SUPT3H: variants seen among roughly 807,000 people sequenced by gnomAD.
SUPT3H encodes the protein SPT3 homolog, SAGA and STAGA complex component, also known as transcription initiation protein SPT3 homolog.
Under a neutral mutation model 44.3 loss-of-function variants are expected in SUPT3H, and 44 were observed. The observed-to-expected ratio is 0.99, with a 90% CI of 0.78 to 1.28. The LOEUF (loss-of-function observed/expected upper bound fraction) is 1.28, where lower values mean the gene tolerates loss of function less well. Among genes scored for constraint, SUPT3H ranks in the 50% most tolerant of loss-of-function variants. The probability of loss-of-function intolerance (pLI) is 0.00; values close to 1 mark genes in which losing one functional copy is unlikely to be tolerated. For missense variants in SUPT3H, 380 were observed against 387.1 expected, an observed-to-expected ratio of 0.98 and a Z score of 0.15; for synonymous variants, 124 against 125.6, an observed-to-expected ratio of 0.99 and a Z score of 0.09.
chr6:44,968,242 T>C (rs1777051459), intron 6 of SUPT3H, among the ~76,000 whole-genome samples: 1 of 152,212 alleles, frequency 6.6e-6, no homozygotes, highest in Non-Finnish European at 1.5e-5. Flanking sequence ...GTTGTTGAAC[T>C]TGAAAACTTC....
At chr6:45,306,260 GCCACAAC>G (rs1179123436) in intron 2 of SUPT3H, among the ~76,000 whole-genome samples, 5 of 152,178 alleles carry the variant, frequency 3.3e-5, no homozygotes, top group Admixed American at 2.0e-4. Context: ...TCCATGCTCA[GCCACAAC>G]TTCCCTGTTA....
At chr6:44,809,454 A>C (rs1455645862) in exon 12 of SUPT3H, 1 of 152,256 alleles carries the variant, frequency 6.6e-6, no homozygotes, top group South Asian at 2.1e-4. Flanking sequence ...TCTATGGTAC[A>C]TATGACAAGG....
At chr6:44,961,608 A>C (rs1468431147) in intron 7 of SUPT3H, 145 bp downstream of exon 7, 3 of 642,764 alleles carry the variant, frequency 4.7e-6, no homozygotes, top group Non-Finnish European at 5.4e-6. Context: ...GGCTCCCCAC[A>C]ATGTAGACGT....
At chr6:44,886,822 C>T (rs1762371445) in intron 10 of SUPT3H, among the ~76,000 whole-genome samples, 1 of 152,066 alleles carries the variant, frequency 6.6e-6, no homozygotes, top group South Asian at 2.1e-4. Flanking sequence ...CACAGACTGG[C>T]AAATTGGATA....
At chr6:45,138,205 T>G (rs1452277676) in intron 2 of SUPT3H, among the ~76,000 whole-genome samples, 1 of 152,096 alleles carries the variant, frequency 6.6e-6, no homozygotes, top group African/African-American at 2.4e-5. Context: ...TAATAAGAAG[T>G]GCTAGGGAGG....
At chr6:44,913,765 T>C (rs1377003187) in intron 10 of SUPT3H, among the ~76,000 whole-genome samples, 6 of 152,214 alleles carry the variant, frequency 3.9e-5, no homozygotes, top group African/African-American at 1.4e-4. Flanking sequence ...GTCCATATTA[T>C]TCTGCTACTT....
chr6:45,143,441 GCTTTTGAATGAT>G (rs1390497700), intron 2 of SUPT3H, among the ~76,000 whole-genome samples: 3 of 152,026 alleles, frequency 2.0e-5, no homozygotes, highest in Non-Finnish European at 4.4e-5. Flanking sequence ...TAAATAATCT[GCTTTTGAATGAT>G]CTTTGGGTCA....
rs1274529029 is a variant in SUPT3H, at chr6:44,982,734, TGTGATA to T, written c.505-20912_505-20907del. ...GCTGATTTAGAGAATGAAGAGGCCTTGTGATAGTGATAATGAAAGACAGACTATGGC... is the reference window on the plus strand; with the variant it reads ...GCTGATTTAGAGAATGAAGAGGCCTTGTGATAATGAAAGACAGACTATGGC... On this transcript the variant is annotated intron_variant, in intron 6 of 10. Coordinates refer to ENST00000371459, the MANE Select transcript of SUPT3H (RefSeq NM_003599.4). Among the ~76,000 whole-genome samples, 9 of 152,312 alleles carry T rather than the reference TGTGATA, an allele frequency of 5.9e-5. No individual in the cohort carries two copies. In the East Asian group the frequency reaches 1.7e-3, roughly 29 times the overall value.
At chr6:45,348,045 G>A (rs1791246476) in intron 2 of SUPT3H, among the ~76,000 whole-genome samples, 1 of 151,990 alleles carries the variant, frequency 6.6e-6, no homozygotes, top group South Asian at 2.1e-4. Context: ...GTGGATATGT[G>A]GATATGTGTA....
intron 3 of SUPT3H, among the ~76,000 whole-genome samples, chr6:45,056,091 AT>A (rs1414437745): frequency 6.6e-6 from 1 of 152,172 alleles, no homozygotes; most frequent in African/African-American, 2.4e-5. Flanking sequence ...AACATCACTA[AT>A]GATCAGGGGA....
chr6:44,964,853 A>G (rs1249420630), intron 6 of SUPT3H, among the ~76,000 whole-genome samples: 2 of 152,192 alleles, frequency 1.3e-5, no homozygotes, highest in Admixed American at 1.3e-4. Context: ...GATAGAAGGC[A>G]GCTTAAAGTT....
intron 2 of SUPT3H, among the ~76,000 whole-genome samples, chr6:45,273,834 G>A (rs991841375): frequency 6.6e-6 from 1 of 152,130 alleles, no homozygotes; most frequent in African/African-American, 2.4e-5. Flanking sequence ...TTCACTAGGA[G>A]TGAATCTGCT....
At chr6:44,907,677 C>G (rs1315881443) in intron 10 of SUPT3H, among the ~76,000 whole-genome samples, 2 of 151,970 alleles carry the variant, frequency 1.3e-5, no homozygotes, top group African/African-American at 4.8e-5. Flanking sequence ...GACTCTGTCT[C>G]AAAAAAGGAA....
chr6:45,218,507 A>T (rs762083366), intron 2 of SUPT3H, among the ~76,000 whole-genome samples: 2 of 152,238 alleles, frequency 1.3e-5, no homozygotes, highest in Non-Finnish European at 2.9e-5. Context: ...AGGCAGGTGG[A>T]TCACCTGAAG....
At chr6:44,956,354 C>T (rs974895503) in intron 7 of SUPT3H, among the ~76,000 whole-genome samples, 2 of 138,136 alleles carry the variant, frequency 1.4e-5, no homozygotes, top group South Asian at 2.4e-4. Context: ...CGTGGTGGTG[C>T]GTGCCTGTAG....
intron 2 of SUPT3H, among the ~76,000 whole-genome samples, chr6:45,216,145 A>G (rs920456552): frequency 2.6e-5 from 4 of 152,188 alleles, no homozygotes; most frequent in African/African-American, 9.6e-5. Flanking sequence ...GAGGAAATTC[A>G]TCATGACTAG....
At chr6:45,315,838 T>C (rs1024794126) in intron 2 of SUPT3H, among the ~76,000 whole-genome samples, 2 of 152,136 alleles carry the variant, frequency 1.3e-5, no homozygotes, top group African/African-American at 4.8e-5. Flanking sequence ...CGCATGTTTA[T>C]AGCAGCACAA....
rs1775036689 is a variant in SUPT3H, at chr6:44,955,792, T to TTGTGGAGCTTACAGTGAGCCGA, written c.581-1186_581-1185insTCGGCTCACTGTAAGCTCCACA. Among the ~76,000 whole-genome samples the TTGTGGAGCTTACAGTGAGCCGA allele has an allele frequency of 9.9e-5, 15 of 152,122 alleles. No homozygotes were observed. The South Asian group carries it at 3.1e-3, about 32-fold the overall frequency. On this transcript the variant is annotated intron_variant, in intron 7 of 10. Coordinates refer to ENST00000371459, the MANE Select transcript of SUPT3H (RefSeq NM_003599.4). ...GGGTACAATATACACACTGCTCGGG[T>TTGTGGAGCTTACAGTGAGCCGA]GATGGGTGCACCAAAACCTCAGAAA...
intron 5 of SUPT3H, among the ~76,000 whole-genome samples, chr6:45,008,381 G>A (rs1025446055): frequency 2.6e-5 from 4 of 151,990 alleles, no homozygotes; most frequent in Non-Finnish European, 5.9e-5. Flanking sequence ...TAATAGATAG[G>A]GTCTCGCTCT....
Sources: allele counts gnomAD v4.1 joint callset (sites outside exome capture counted in the v4.1 genomes callset), GRCh38; gene constraint gnomAD v4.1.1; transcripts MANE v1.5; gene names NCBI Gene and HGNC (gene_info 2026-07-23, HGNC 2026-07-21).